MPPED1: variants seen among roughly 807,000 people sequenced by gnomAD.
MPPED1 encodes the protein metallophosphoesterase domain containing 1, also known as metallophosphoesterase domain-containing protein 1.
In MPPED1, 16 loss-of-function variants were observed where a neutral mutation model predicts 36.2. That is an observed-to-expected ratio of 0.44 (90% CI 0.30 to 0.67). The LOEUF (loss-of-function observed/expected upper bound fraction) is 0.67. Ranked by LOEUF, MPPED1 falls within the 30% of genes least tolerant of loss-of-function variation. MPPED1 has a pLI of 0.10. For synonymous variants in MPPED1, 199 were observed against 191.3 expected (o/e 1.04, Z -0.33); for missense variants, 307 against 453.4 (o/e 0.68, Z 2.93).
At chr22:43,435,796 G>A (rs902958000) in intron 3 of MPPED1, among the ~76,000 whole-genome samples, 5 of 152,214 alleles carry the variant, frequency 3.3e-5, no homozygotes, top group Non-Finnish European at 7.3e-5. Flanking sequence ...GGTGGAGGTT[G>A]CAGTGAGCCC....
intron 1 of MPPED1, among the ~76,000 whole-genome samples, chr22:43,424,639 T>G (rs912332265): frequency 6.6e-6 from 1 of 152,080 alleles, no homozygotes; most frequent in African/African-American, 2.4e-5. Context: ...TTAAACACGT[T>G]GAGCCATGCA....
At chr22:43,434,470 G>A (rs1316014004) in intron 2 of MPPED1, among the ~76,000 whole-genome samples, 2 of 152,242 alleles carry the variant, frequency 1.3e-5, no homozygotes, top group African/African-American at 4.8e-5. Flanking sequence ...ACTCCATGCG[G>A]TCTCAGTGGG....
At chr22:43,426,923 C>T (rs1355920308) in intron 2 of MPPED1, among the ~76,000 whole-genome samples, 2 of 152,236 alleles carry the variant, frequency 1.3e-5, no homozygotes, top group East Asian at 3.8e-4. Flanking sequence ...GCTTGCCGCT[C>T]CTCGGTCTGT....
rs1234068640 is a variant in MPPED1 at position 43,473,204 on chromosome 22, ACC to A, written c.407-1531_407-1530del. 9.5e-3 allele frequency among the ~76,000 whole-genome samples: 1,450 copies of A among 152,312 alleles called. 25 individuals are homozygous for A. Among genetic ancestry groups the A allele is most frequent in the African/African-American group, 0.034 (1,395 of 41,556 alleles). On this transcript the variant is annotated intron_variant, in intron 3 of 6. Coordinates refer to ENST00000443721, the MANE Select transcript of MPPED1 (RefSeq NM_001044370.2). ...GCTGCTGTGTTGTCCCAGGGGACAG[ACC>A]ACGGTGCCCGTGCTGCTGGGCATTG...
At chr22:43,429,839 G>A (rs1377808130) in intron 2 of MPPED1, among the ~76,000 whole-genome samples, 2 of 152,216 alleles carry the variant, frequency 1.3e-5, no homozygotes, top group Admixed American at 1.3e-4. Context: ...TGGGTGTGGA[G>A]GACCAGCTGC....
At chr22:43,424,239 G>A (rs971227309) in intron 1 of MPPED1, among the ~76,000 whole-genome samples, 1 of 152,168 alleles carries the variant, frequency 6.6e-6, no homozygotes, top group Non-Finnish European at 1.5e-5. Flanking sequence ...TTTGCAAAAG[G>A]TTCCTCCTCC....
intron 3 of MPPED1, among the ~76,000 whole-genome samples, chr22:43,438,462 G>A (rs994823133): frequency 2.0e-5 from 3 of 152,112 alleles, no homozygotes; most frequent in Admixed American, 6.5e-5. Flanking sequence ...CCTGGGCCTC[G>A]GACAAGAGTG....
At chr22:43,479,941 C>T (rs769120316) in intron 4 of MPPED1, among the ~76,000 whole-genome samples, 7 of 152,128 alleles carry the variant, frequency 4.6e-5, no homozygotes, top group Admixed American at 1.3e-4. Context: ...CAGCTCACTG[C>T]GGCCTCGACT....
chr22:43,458,802 G>A (rs1246117080), intron 3 of MPPED1, among the ~76,000 whole-genome samples: 1 of 152,218 alleles, frequency 6.6e-6, no homozygotes, highest in East Asian at 1.9e-4. Flanking sequence ...TTTGCGGGAT[G>A]TAGAATTGCT....
chr22:43,468,347 G>C (rs1047933690), intron 3 of MPPED1, among the ~76,000 whole-genome samples: 4 of 152,204 alleles, frequency 2.6e-5, no homozygotes, highest in African/African-American at 9.6e-5. Context: ...CAGAGGCTGG[G>C]AGATCAGCGT....
chr22:43,490,866 T>C (rs1932060624), intron 4 of MPPED1, among the ~76,000 whole-genome samples: 2 of 152,252 alleles, frequency 1.3e-5, no homozygotes, highest in African/African-American at 4.8e-5. Flanking sequence ...TCTGAATGTG[T>C]CTGGGACCGC....
intron 3 of MPPED1, among the ~76,000 whole-genome samples, chr22:43,449,424 C>CT (rs1401060232): frequency 2.4e-5 from 3 of 123,428 alleles, no homozygotes; most frequent in Admixed American, 8.4e-5. Flanking sequence ...CAGTGCCAAC[C>CT]CCCCCCGCCC....
At chr22:43,435,709 T>G (rs1347448358) in intron 3 of MPPED1, among the ~76,000 whole-genome samples, 1 of 152,096 alleles carries the variant, frequency 6.6e-6, no homozygotes, top group Non-Finnish European at 1.5e-5. Context: ...ATACAAAAAT[T>G]AGCTGGGTGT....
intron 2 of MPPED1, among the ~76,000 whole-genome samples, chr22:43,434,597 G>A (rs1371178373): frequency 6.6e-6 from 1 of 152,250 alleles, no homozygotes; most frequent in Admixed American, 6.5e-5. Flanking sequence ...CGGCACCGCT[G>A]TGATGCCGTA....
chr22:43,479,070 G>A (rs1463834750), intron 4 of MPPED1, among the ~76,000 whole-genome samples: 1 of 152,158 alleles, frequency 6.6e-6, no homozygotes, highest in African/African-American at 2.4e-5. Flanking sequence ...TGGGGTGTGG[G>A]GGGGTTGTGC....
At chr22:43,490,603 G>A (rs149639799) in intron 4 of MPPED1, among the ~76,000 whole-genome samples, 40 of 152,298 alleles carry the variant, frequency 2.6e-4, no homozygotes, top group Middle Eastern at 3.4e-3. Flanking sequence ...GCCCCCTGCC[G>A]TGGCTCTCGG....
At chr22:43,500,328 G>A (rs1220601620) in intron 5 of MPPED1, among the ~76,000 whole-genome samples, 41 of 133,082 alleles carry the variant, frequency 3.1e-4, no homozygotes, top group Admixed American at 1.2e-3. Context: ...GGTGATGGTG[G>A]TGGTGGAGGT....
intron 4 of MPPED1, among the ~76,000 whole-genome samples, chr22:43,497,853 T>C (rs1368958258): frequency 6.7e-6 from 1 of 150,118 alleles, no homozygotes; most frequent in Non-Finnish European, 1.5e-5. Context: ...TATTGGAGAA[T>C]GTATAATGTT....
chr22:43,447,293 T>C (rs1930379213), intron 3 of MPPED1, among the ~76,000 whole-genome samples: 1 of 152,182 alleles, frequency 6.6e-6, no homozygotes, highest in African/African-American at 2.4e-5. Flanking sequence ...TTCACAAACA[T>C]GGAGAGAGGT....
Sources: gnomAD v4.1 joint callset for allele counts (sites outside exome capture counted in the v4.1 genomes callset) on GRCh38, gnomAD v4.1.1 for gene constraint, MANE v1.5 for transcripts, NCBI Gene and HGNC (gene_info 2026-07-23, HGNC 2026-07-21) for gene names.